Variants in KCTD8 observed in about 807,000 individuals in gnomAD.
The protein encoded by KCTD8 is potassium channel tetramerization domain containing 8, also known as BTB/POZ domain-containing protein KCTD8.
A neutral mutation model predicts 31.5 loss-of-function variants in KCTD8; 27 were observed. The ratio of observed to expected loss-of-function variants is 0.86; its 90% CI spans 0.63 to 1.18. The LOEUF (loss-of-function observed/expected upper bound fraction) is 1.18, where lower values mean the gene tolerates loss of function less well. Among genes scored for constraint, KCTD8 ranks in the 50% most tolerant of loss-of-function variants. The pLI is 0.00. For synonymous variants in KCTD8, 290 were observed against 280.0 expected (o/e 1.04, Z -0.36); for missense variants, 658 against 647.7 (o/e 1.02, Z -0.17).
At chr4:44,188,385 T>C (rs1713655335) in intron 1 of KCTD8, among the ~76,000 whole-genome samples, 1 of 152,202 alleles carries the variant, frequency 6.6e-6, no homozygotes, top group South Asian at 2.1e-4. Flanking sequence ...TTTTGCTTGA[T>C]GTGAAGTTCT....
At chr4:44,267,731 A>T (rs1716432366) in intron 1 of KCTD8, among the ~76,000 whole-genome samples, 1 of 152,216 alleles carries the variant, frequency 6.6e-6, no homozygotes, top group South Asian at 2.1e-4. Context: ...GATCCCACAG[A>T]AATACAAATT....
intron 1 of KCTD8, among the ~76,000 whole-genome samples, chr4:44,181,102 T>A (rs938054322): frequency 6.6e-6 from 1 of 151,922 alleles, no homozygotes; most frequent in Admixed American, 6.6e-5. Context: ...GGCCGCATAG[T>A]GCAGACTGTC....
intron 1 of KCTD8, among the ~76,000 whole-genome samples, chr4:44,208,849 G>T (rs1489300899): frequency 6.6e-6 from 1 of 152,096 alleles, no homozygotes; most frequent in Non-Finnish European, 1.5e-5. Context: ...AATGCTTGTT[G>T]GCTCTGACTT....
chr4:44,433,659 C>A (rs1301791477), intron 1 of KCTD8, among the ~76,000 whole-genome samples: 1 of 151,618 alleles, frequency 6.6e-6, no homozygotes, highest in Non-Finnish European at 1.5e-5. Flanking sequence ...AAATATCATT[C>A]ATCTTTTATT....
intron 1 of KCTD8, among the ~76,000 whole-genome samples, chr4:44,433,244 T>G (rs946494840): frequency 6.6e-6 from 1 of 151,774 alleles, no homozygotes; most frequent in East Asian, 1.9e-4. Context: ...TACCTATATC[T>G]TTTTCTCAGT....
At chr4:44,388,940 C>T (rs1720297083) in intron 1 of KCTD8, among the ~76,000 whole-genome samples, 1 of 151,670 alleles carries the variant, frequency 6.6e-6, no homozygotes, top group Non-Finnish European at 1.5e-5. Flanking sequence ...ATTATTCAGC[C>T]ATAAAAATGA....
At chr4:44,383,711 A>T (rs1243564508) in intron 1 of KCTD8, among the ~76,000 whole-genome samples, 1 of 152,056 alleles carries the variant, frequency 6.6e-6, no homozygotes, top group African/African-American at 2.4e-5. Flanking sequence ...GAACTATGAA[A>T]CTACTGGAAA....
chr4:44,442,857 G>A (rs577528670), intron 1 of KCTD8, among the ~76,000 whole-genome samples: 1 of 151,970 alleles, frequency 6.6e-6, no homozygotes, highest in African/African-American at 2.4e-5. Context: ...AATAAAGCTT[G>A]TAGCCACTCA....
intron 1 of KCTD8, among the ~76,000 whole-genome samples, chr4:44,407,449 C>T (rs1032796579): frequency 8.7e-5 from 13 of 149,754 alleles, no homozygotes; most frequent in African/African-American, 2.7e-4. Flanking sequence ...TGCAATAGTG[C>T]GATCTCGGCT....
At chr4:44,265,281 A>G (rs1006488645) in intron 1 of KCTD8, among the ~76,000 whole-genome samples, 4 of 152,142 alleles carry the variant, frequency 2.6e-5, no homozygotes, top group Non-Finnish European at 5.9e-5. Flanking sequence ...CCAGGCAAAC[A>G]GGGTCTGGAG....
intron 1 of KCTD8, among the ~76,000 whole-genome samples, chr4:44,198,136 C>G (rs1280573954): frequency 6.6e-6 from 1 of 152,102 alleles, no homozygotes; most frequent in African/African-American, 2.4e-5. Context: ...AACAAAACCT[C>G]TGAGAAATAT....
intron 1 of KCTD8, among the ~76,000 whole-genome samples, chr4:44,397,104 C>G (rs967438718): frequency 6.6e-6 from 1 of 152,128 alleles, no homozygotes; most frequent in African/African-American, 2.4e-5. Context: ...GCCACAGTTT[C>G]TCAGGTTCTT....
chr4:44,309,468 A>C (rs780408472), intron 1 of KCTD8, among the ~76,000 whole-genome samples: 1 of 152,220 alleles, frequency 6.6e-6, no homozygotes, highest in African/African-American at 2.4e-5. Context: ...TTTGGAAGAT[A>C]TATCTTTTAC....
At chr4:44,371,753 A>G (rs1028370333) in intron 1 of KCTD8, among the ~76,000 whole-genome samples, 59 of 152,210 alleles carry the variant, frequency 3.9e-4, no homozygotes, top group Non-Finnish European at 2.6e-4. Flanking sequence ...TCTACATTGT[A>G]AAATAGATGA....
Position 44,373,930 on chromosome 4 carries a change from A to G in KCTD8, c.961+73633T>C, listed in dbSNP as rs556644880. On this transcript the variant is annotated intron_variant, in intron 1 of 1. Transcript: ENST00000360029. ...TGAAATGTCTCAGATCTCACTCATCACATTAAAAGATCGGCTTAGTTAAAA... is the reference window on the plus strand; with the variant it reads ...TGAAATGTCTCAGATCTCACTCATCGCATTAAAAGATCGGCTTAGTTAAAA... Among the ~76,000 whole-genome samples the G allele has an allele frequency of 3.0e-4, 46 of 152,328 alleles. No individual in the cohort carries two copies. The South Asian group carries it at 3.5e-3, about 12-fold the overall frequency.
intron 1 of KCTD8, among the ~76,000 whole-genome samples, chr4:44,327,572 C>A (rs17599591): frequency 0.061 from 9,205 of 151,436 alleles, 481 homozygotes; most frequent in Admixed American, 0.15. Flanking sequence ...AGGAAGAACA[C>A]CGAAGTCTGA....
At chr4:44,223,713 CAT>C (rs1371477618) in intron 1 of KCTD8, among the ~76,000 whole-genome samples, 1 of 152,174 alleles carries the variant, frequency 6.6e-6, no homozygotes, top group African/African-American at 2.4e-5. Flanking sequence ...GACTTCTAAA[CAT>C]GTGTCAAATT....
intron 1 of KCTD8, among the ~76,000 whole-genome samples, chr4:44,209,093 G>T (rs1007058836): frequency 2.0e-5 from 3 of 152,034 alleles, no homozygotes; most frequent in African/African-American, 7.2e-5. Flanking sequence ...AAAATGCATT[G>T]ATCTGGAATC....
intron 1 of KCTD8, among the ~76,000 whole-genome samples, chr4:44,408,366 T>C (rs4695717): frequency 0.82 from 125,214 of 152,138 alleles, 51,725 homozygotes; most frequent in South Asian, 0.87. Context: ...AAAAATTATG[T>C]AGCATACTTT....
Sources: gnomAD v4.1 joint callset for allele counts (sites outside exome capture counted in the v4.1 genomes callset) on GRCh38, gnomAD v4.1.1 for gene constraint, MANE v1.5 for transcripts, NCBI Gene and HGNC (gene_info 2026-07-23, HGNC 2026-07-21) for gene names.